ARHGEF26: variants seen among roughly 807,000 people sequenced by gnomAD.
ARHGEF26 encodes Rho guanine nucleotide exchange factor 26, also known as Rho guanine nucleotide exchange factor (GEF) 26.
In ARHGEF26, 59 loss-of-function variants were observed where a neutral mutation model predicts 89.4. The ratio of observed to expected loss-of-function variants is 0.66; its 90% CI spans 0.54 to 0.82. The LOEUF is 0.82. Among genes scored for constraint, ARHGEF26 ranks in the 40% least tolerant of loss-of-function variants. The pLI is 0.00. For synonymous variants in ARHGEF26, 500 were observed against 428.4 expected, an observed-to-expected ratio of 1.17 and a Z score of -2.06; for missense variants, 1,234 against 1,085.6, an observed-to-expected ratio of 1.14 and a Z score of -1.92.
intron 5 of ARHGEF26, among the ~76,000 whole-genome samples, chr3:154,151,035 T>G (rs372328318): frequency 1.3e-5 from 2 of 152,188 alleles, no homozygotes; most frequent in East Asian, 1.9e-4. Context: ...TAGATTAGAT[T>G]ACACACTCTC....
intron 9 of ARHGEF26, among the ~76,000 whole-genome samples, chr3:154,206,856 C>A (rs185745244): frequency 1.3e-5 from 2 of 152,162 alleles, no homozygotes; most frequent in Admixed American, 1.3e-4. Context: ...TACCTGACTT[C>A]AAACTATACT....
chr3:154,198,290 T>G (rs1714406196), intron 9 of ARHGEF26, among the ~76,000 whole-genome samples: 1 of 152,156 alleles, frequency 6.6e-6, no homozygotes, highest in African/African-American at 2.4e-5. Flanking sequence ...GAATGTAAAC[T>G]AGTACAACCA....
In ARHGEF26 at chr3:154,254,717, C is replaced by T. The variant is rs1446622848; in HGVS notation, c.2369-3C>T. On this transcript the variant is annotated splice_polypyrimidine_tract_variant and splice_region_variant and intron_variant, in intron 13 of 14. Coordinates refer to ENST00000465093, the MANE Select transcript of ARHGEF26 (RefSeq NM_015595.4). ...AACTTAGTATGTCCTCTTTTGGCCT[C>T]AGCACTGACCCAGGTGGAAATCGTT... 2 of 1,613,424 alleles carry T rather than the reference C, an allele frequency of 1.2e-6. No individual in the cohort carries two copies. The highest frequency in any genetic ancestry group is 1.7e-6 in the Non-Finnish European group (2 of 1,179,486).
At chr3:154,241,419 T>G (rs772177367) in intron 12 of ARHGEF26, among the ~76,000 whole-genome samples, 4 of 152,162 alleles carry the variant, frequency 2.6e-5, no homozygotes, top group Non-Finnish European at 5.9e-5. Context: ...GATCAGCAGC[T>G]GATGAATAAC....
intron 4 of ARHGEF26, 83 bp from the exon 5 acceptor site, chr3:154,149,306 C>A: frequency 2.0e-6 from 2 of 1,010,318 alleles, no homozygotes; most frequent in African/African-American, 1.6e-5. Context: ...TTTTGAAGGG[C>A]ATAGAGTTAT....
intron 9 of ARHGEF26, among the ~76,000 whole-genome samples, chr3:154,204,333 C>CTTTTTTTTTTTTTTTTTTTTTTTTTT (rs55822103): frequency 8.8e-6 from 1 of 113,350 alleles, no homozygotes. Context: ...TTTTCTTTTC[C>CTTTTTTTTTTTTTTTTTTTTTTTTTT]TTTTTTTTTT....
chr3:154,129,924 G>A (rs139269208), intron 4 of ARHGEF26, among the ~76,000 whole-genome samples: 2 of 152,234 alleles, frequency 1.3e-5, no homozygotes, highest in African/African-American at 4.8e-5. Flanking sequence ...AATTAGGTTT[G>A]ATAAAATAAA....
intron 2 of ARHGEF26, 138 bp from the exon 3 acceptor site, chr3:154,124,272 C>T (rs975310216): frequency 1.6e-6 from 1 of 629,248 alleles, no homozygotes; most frequent in Admixed American, 3.5e-5. Context: ...AGCTTCTGTG[C>T]GCTCTTGGAA....
chr3:154,226,082 G>T, intron 11 of ARHGEF26, 72 bp downstream of exon 11: 2 of 1,302,758 alleles, frequency 1.5e-6, no homozygotes, highest in Non-Finnish European at 2.1e-6. Flanking sequence ...GCCTGTTAGG[G>T]TGATCATCCT....
At chr3:154,248,740 T>C (rs1717943069) in intron 12 of ARHGEF26, among the ~76,000 whole-genome samples, 1 of 152,276 alleles carries the variant, frequency 6.6e-6, no homozygotes, top group South Asian at 2.1e-4. Context: ...GATTTAACTA[T>C]ATAGCATGTG....
chr3:154,129,790 C>A, intron 4 of ARHGEF26, 71 bp downstream of exon 4: 1 of 1,495,018 alleles, frequency 6.7e-7, no homozygotes, highest in Non-Finnish European at 9.0e-7. Context: ...GTGGATTTGG[C>A]TTTTGTTCTT....
chr3:154,199,539 T>C (rs1173481248), intron 9 of ARHGEF26, among the ~76,000 whole-genome samples: 3 of 152,120 alleles, frequency 2.0e-5, no homozygotes, highest in Non-Finnish European at 2.9e-5. Context: ...AGGGCAGATA[T>C]CTCTTTGATA....
intron 6 of ARHGEF26, among the ~76,000 whole-genome samples, chr3:154,164,324 C>T (rs1711858617): frequency 6.6e-6 from 1 of 151,898 alleles, no homozygotes; most frequent in Non-Finnish European, 1.5e-5. Flanking sequence ...ATATTATTAC[C>T]ATTCTCTAAT....
chr3:154,162,557 C>CA (rs1235492717), intron 6 of ARHGEF26, among the ~76,000 whole-genome samples: 4 of 152,100 alleles, frequency 2.6e-5, no homozygotes, highest in Admixed American at 6.5e-5. Context: ...GATTCCCAGC[C>CA]AGGGCCATTG....
intron 12 of ARHGEF26, among the ~76,000 whole-genome samples, chr3:154,247,473 C>T (rs1018503639): frequency 2.0e-5 from 3 of 152,152 alleles, no homozygotes; most frequent in Non-Finnish European, 4.4e-5. Context: ...CAATGGCCTC[C>T]TAGCCATTCT....
rs563072202 is a variant in ARHGEF26, at chr3:154,227,581, G to A, written c.2090+1571G>A. ...TAGGCATGAGCCACTGCGCCCAGCC[G>A]TAAATTTTATAAAGAAAGATGGGAG... is the stretch of plus-strand genomic sequence containing the variant. On this transcript the variant is annotated intron_variant, in intron 11 of 14. Coordinates refer to ENST00000465093, the MANE Select transcript of ARHGEF26 (RefSeq NM_015595.4). Among the ~76,000 whole-genome samples the A allele has an allele frequency of 1.7e-4, 26 of 152,224 alleles. 1 individual carries two copies. The South Asian group carries it at 4.1e-3, about 24-fold the overall frequency.
At chr3:154,147,367 C>CA (rs1719764681) in intron 4 of ARHGEF26, among the ~76,000 whole-genome samples, 1 of 152,194 alleles carries the variant, frequency 6.6e-6, no homozygotes, top group South Asian at 2.1e-4. Flanking sequence ...GCTGAGATAG[C>CA]ACCACTGCAC....
chr3:154,135,869 A>G (rs1718970466), intron 4 of ARHGEF26, among the ~76,000 whole-genome samples: 2 of 151,928 alleles, frequency 1.3e-5, no homozygotes, highest in Admixed American at 1.3e-4. Context: ...TACCCCCTCC[A>G]CCTCTCCAAG....
chr3:154,243,373 CAG>C (rs1326609874), intron 12 of ARHGEF26, among the ~76,000 whole-genome samples: 1 of 152,168 alleles, frequency 6.6e-6, no homozygotes, highest in Non-Finnish European at 1.5e-5. Context: ...AACATCTCAA[CAG>C]AGATTTTCCT....
Sources: allele counts gnomAD v4.1 joint callset (sites outside exome capture counted in the v4.1 genomes callset), GRCh38; gene constraint gnomAD v4.1.1; transcripts MANE v1.5; gene names NCBI Gene and HGNC (gene_info 2026-07-23, HGNC 2026-07-21).